The following NAALADL2 variants were observed in gnomAD, a reference collection of about 807,000 sequenced individuals.
NAALADL2 encodes inactive N-acetylated-alpha-linked acidic dipeptidase-like protein 2.
In NAALADL2, 76 loss-of-function variants were observed where a neutral mutation model predicts 87.2. That is an observed-to-expected ratio of 0.87 (90% CI 0.72 to 1.05). The LOEUF is 1.05. NAALADL2 is among the 50% of genes least tolerant of loss of function. NAALADL2 has a pLI of 0.00. For missense variants in NAALADL2, 1,089 were observed against 945.8 expected, an observed-to-expected ratio of 1.15 and a Z score of -1.99; for synonymous variants, 354 against 331.0, an observed-to-expected ratio of 1.07 and a Z score of -0.75.
intron 1 of NAALADL2, among the ~76,000 whole-genome samples, chr3:174,960,147 G>C (rs1322426887): frequency 1.3e-5 from 2 of 152,010 alleles, no homozygotes; most frequent in Non-Finnish European, 2.9e-5. Flanking sequence ...CAGGCAATAA[G>C]TGGTAAAGTC....
chr3:175,250,284 T>TGTGTG (rs1022766852), intron 3 of NAALADL2, among the ~76,000 whole-genome samples: 2 of 145,378 alleles, frequency 1.4e-5, no homozygotes, highest in African/African-American at 5.1e-5. Flanking sequence ...TGTGTGTGTG[T>TGTGTG]GTGTGGTGTG....
intron 13 of NAALADL2, among the ~76,000 whole-genome samples, chr3:175,793,863 G>C (rs150384876): frequency 6.6e-6 from 1 of 152,122 alleles, no homozygotes; most frequent in Non-Finnish European, 1.5e-5. Flanking sequence ...AGGCTGTTCA[G>C]TAGAATAAGC....
At chr3:175,707,547 A>G (rs894924331) in intron 11 of NAALADL2, among the ~76,000 whole-genome samples, 1 of 152,188 alleles carries the variant, frequency 6.6e-6, no homozygotes, top group African/African-American at 2.4e-5. Context: ...AGGAAACTAA[A>G]CATAGGAACA....
chr3:174,955,074 T>C (rs928357868), intron 1 of NAALADL2, among the ~76,000 whole-genome samples: 2 of 152,098 alleles, frequency 1.3e-5, no homozygotes, highest in African/African-American at 4.8e-5. Context: ...TTGAAAACAT[T>C]TTCTCTTACT....
chr3:175,086,787 C>T (rs2108283854), intron 1 of NAALADL2, among the ~76,000 whole-genome samples: 1 of 152,176 alleles, frequency 6.6e-6, no homozygotes, highest in South Asian at 2.1e-4. Context: ...TATTAGTAGA[C>T]ATGTCTATAA....
intron 4 of NAALADL2, among the ~76,000 whole-genome samples, chr3:175,317,012 G>A (rs1289259963): frequency 6.6e-6 from 1 of 152,164 alleles, no homozygotes; most frequent in Non-Finnish European, 1.5e-5. Context: ...GGCAGACAGT[G>A]GAAGAGGGAG....
intron 2 of NAALADL2, among the ~76,000 whole-genome samples, chr3:175,153,863 G>A (rs1020876645): frequency 2.6e-5 from 4 of 152,160 alleles, no homozygotes; most frequent in Non-Finnish European, 5.9e-5. Flanking sequence ...TTCAAAGAGT[G>A]AGACTGTCAT....
chr3:174,968,529 C>A (rs1336280685), intron 1 of NAALADL2, among the ~76,000 whole-genome samples: 1 of 152,042 alleles, frequency 6.6e-6, no homozygotes, highest in African/African-American at 2.4e-5. Flanking sequence ...ACCCAGGCTG[C>A]AGTGTAGTGA....
At chr3:175,393,407 A>G (rs1291513391) in intron 5 of NAALADL2, among the ~76,000 whole-genome samples, 1 of 151,246 alleles carries the variant, frequency 6.6e-6, no homozygotes, top group Non-Finnish European at 1.5e-5. Flanking sequence ...GTATTACCCT[A>G]ATTATTATGA....
At chr3:174,742,755 G>A (rs983717933) in intron 3 of NAALADL2, among the ~76,000 whole-genome samples, 7 of 151,492 alleles carry the variant, frequency 4.6e-5, no homozygotes, top group African/African-American at 1.5e-4. Context: ...ATGCATTTAA[G>A]TATTTAAAAC....
chr3:174,665,849 T>C (rs1323753831), intron 2 of NAALADL2, among the ~76,000 whole-genome samples: 1 of 152,206 alleles, frequency 6.6e-6, no homozygotes, highest in African/African-American at 2.4e-5. Context: ...TTCTTGTACT[T>C]ACCAGCAATC....
intron 11 of NAALADL2, among the ~76,000 whole-genome samples, chr3:175,687,373 G>A (rs906546614): frequency 2.0e-5 from 3 of 152,184 alleles, no homozygotes; most frequent in African/African-American, 7.2e-5. Flanking sequence ...GTGGCCCAGA[G>A]TAATCAATGT....
At chr3:175,608,929 C>A (rs1724175854) in intron 10 of NAALADL2, among the ~76,000 whole-genome samples, 1 of 149,482 alleles carries the variant, frequency 6.7e-6, no homozygotes, top group Admixed American at 6.6e-5. Context: ...TGATGTGTAC[C>A]ACTATTCTGA....
In NAALADL2 at chr3:175,402,083, G is replaced by C. The variant is rs115468230; in HGVS notation, c.1091-45146G>C. On this transcript the variant is annotated intron_variant, in intron 5 of 13. Coordinates refer to ENST00000454872, the MANE Select transcript of NAALADL2 (RefSeq NM_207015.3). ...GTACTAGATTGATATGAATTAATAG[G>C]TTGATGGAAAATATTTCTTAATAAA... Among the ~76,000 whole-genome samples the C allele has an allele frequency of 1.1e-3, 166 of 151,996 alleles. 1 individual carries two copies. Among genetic ancestry groups the C allele is most frequent in the Admixed American group, 1.9e-3 (29 of 15,216 alleles).
chr3:174,859,169 A>C (rs1726169825), upstream of NAALADL2: 2 of 434,552 alleles, frequency 4.6e-6, no homozygotes, highest in Non-Finnish European at 8.2e-6. Flanking sequence ...AAACAAAGCA[A>C]TGTTTTGTGA....
chr3:175,305,067 GTTAT>G (rs1296276793), intron 4 of NAALADL2, among the ~76,000 whole-genome samples: 1 of 151,752 alleles, frequency 6.6e-6, no homozygotes, highest in Non-Finnish European at 1.5e-5. Context: ...GTGATACAAA[GTTAT>G]TTGAGAATCA....
intron 5 of NAALADL2, among the ~76,000 whole-genome samples, chr3:175,417,519 G>C (rs951392011): frequency 1.3e-5 from 2 of 149,590 alleles, no homozygotes; most frequent in African/African-American, 5.0e-5. Flanking sequence ...AGGATAATGA[G>C]TTTTAAAAAA....
intron 2 of NAALADL2, among the ~76,000 whole-genome samples, chr3:174,650,191 G>A (rs1046590194): frequency 2.6e-5 from 4 of 152,098 alleles, no homozygotes; most frequent in South Asian, 2.1e-4. Flanking sequence ...TAATCCAAAG[G>A]TACCTTCTAA....
At chr3:175,177,859 G>A (rs912550963) in intron 2 of NAALADL2, among the ~76,000 whole-genome samples, 7 of 151,938 alleles carry the variant, frequency 4.6e-5, no homozygotes, top group Non-Finnish European at 8.8e-5. Flanking sequence ...GTGTGTGTGT[G>A]TGCATGCTGT....
Sources: gnomAD v4.1 joint callset for allele counts (sites outside exome capture counted in the v4.1 genomes callset) on GRCh38, gnomAD v4.1.1 for gene constraint, MANE v1.5 for transcripts, NCBI Gene and HGNC (gene_info 2026-07-23, HGNC 2026-07-21) for gene names.